The following PNO1 variants were observed in gnomAD, a reference collection of about 807,000 sequenced individuals.
The protein encoded by PNO1 is partner of NOB1 homolog, also known as RNA-binding protein PNO1.
Under a neutral mutation model 28.4 loss-of-function variants are expected in PNO1, and 16 were observed. The ratio of observed to expected loss-of-function variants is 0.56; its 90% CI spans 0.38 to 0.85. PNO1 has a LOEUF of 0.85. PNO1 is among the 40% of genes least tolerant of loss of function. PNO1 has a pLI of 0.00. For synonymous variants in PNO1, 115 were observed against 110.8 expected (o/e 1.04, Z -0.24); for missense variants, 304 against 312.2 (o/e 0.97, Z 0.20).
intron 5 of PNO1, among the ~76,000 whole-genome samples, chr2:68,162,914 T>C (rs572701350): frequency 6.6e-6 from 1 of 152,356 alleles, no homozygotes; most frequent in Non-Finnish European, 1.5e-5. Context: ...TAGCCTGCAG[T>C]TGGGCAAAGT....
chr2:68,164,974 G>A (rs1183120570), intron 5 of PNO1, among the ~76,000 whole-genome samples: 1 of 151,924 alleles, frequency 6.6e-6, no homozygotes, highest in Non-Finnish European at 1.5e-5. Flanking sequence ...CATTCCGAGT[G>A]TGTACCACTT....
chr2:68,176,210 T>TA lies in PNO1; in HGVS notation c.*1409dup, dbSNP rs1674279532. The TA allele has an allele frequency of 6.6e-6, 1 of 152,206 alleles. No individual in the cohort carries two copies. The highest frequency in any genetic ancestry group is 1.5e-5 in the Non-Finnish European group (1 of 68,028). 9.4% of individuals were successfully genotyped at this position (152,206 alleles called of 1,614,324 possible). A position where few individuals can be genotyped will look rare whatever the true frequency, so the allele number is the denominator to read the frequency against. On this transcript the variant is annotated 3_prime_UTR_variant, in exon 7 of 7. Coordinates refer to ENST00000263657, the MANE Select transcript of PNO1 (RefSeq NM_020143.4). Reference sequence around the variant, plus strand: ...TATACATTACAAAATGGAAGGAACTTACTTTATTAAACTTAACTTTGATAC... The same window carrying TA: ...TATACATTACAAAATGGAAGGAACTTAACTTTATTAAACTTAACTTTGATAC...
intron 5 of PNO1, among the ~76,000 whole-genome samples, chr2:68,166,102 T>A (rs1673990819): frequency 6.6e-6 from 1 of 152,224 alleles, no homozygotes; most frequent in African/African-American, 2.4e-5. Context: ...TTCTCTTAAT[T>A]AGCATGTTAT....
chr2:68,166,300 C>G (rs1422768498), intron 5 of PNO1, among the ~76,000 whole-genome samples: 1 of 152,124 alleles, frequency 6.6e-6, no homozygotes, highest in East Asian at 1.9e-4. Context: ...CTGCTTTTGG[C>G]TGGAAGCTAT....
rs555523293 is a variant in PNO1, at chr2:68,176,048, A to C, written c.*1246A>C. ...TGAATGAATAATTCTAAAGTTGAAA[A>C]ATAATAGTAAGAACCATCATAAGTC... On this transcript the variant is annotated 3_prime_UTR_variant, in exon 7 of 7. Coordinates refer to ENST00000263657, the MANE Select transcript of PNO1 (RefSeq NM_020143.4). 6.6e-6 allele frequency: 1 copy of C among 152,354 alleles called. No individual in the cohort carries two copies. The highest frequency in any genetic ancestry group is 1.9e-4 in the East Asian group (1 of 5,194). 9.4% of individuals were successfully genotyped at this position (152,354 alleles called of 1,614,324 possible).
intron 2 of PNO1, chr2:68,161,289 G>T (rs1205901279): frequency 8.5e-6 from 4 of 472,886 alleles, no homozygotes; most frequent in South Asian, 4.6e-5. Flanking sequence ...AGAAGATTAA[G>T]TCAGGAATCC....
chr2:68,158,510 C>G lies in PNO1; in HGVS notation c.338C>G (p.Ser113Ter), dbSNP rs1673735381. 6.2e-7 allele frequency: 1 copy of G among 1,612,872 alleles called. No homozygotes were observed. The highest frequency in any genetic ancestry group is 1.3e-5 in the African/African-American group (1 of 74,840). The change falls in exon 2 of 7, where the codon TCA becomes TGA. Residue 113 changes from serine to a stop codon, truncating the protein, a stop_gained. Transcript: ENST00000263657. LOFTEE classifies it high-confidence loss of function. Reference sequence around the variant, plus strand: ...CTTCAGATACGCTTTAACTTGAAATCAAGGAATGTAGAAATCAGGGTAAGG... The same window carrying G: ...CTTCAGATACGCTTTAACTTGAAATGAAGGAATGTAGAAATCAGGGTAAGG... ...LGLQIRFNLK[S>*]RNVEIRTCKE...
At chr2:68,164,006 T>C (rs1301456793) in intron 5 of PNO1, among the ~76,000 whole-genome samples, 3 of 152,234 alleles carry the variant, frequency 2.0e-5, no homozygotes, top group African/African-American at 7.2e-5. Flanking sequence ...GACTCTTCAT[T>C]ATATAGAACC....
rs1300352049 is a variant in PNO1 at position 68,158,038 on chromosome 2, T to C, written c.104T>C (p.Leu35Pro). ...RRAKKRQAEQLSAAGEGGDAG... is the reference protein window; with the variant it reads ...RRAKKRQAEQPSAAGEGGDAG... ...GCGAAGAAACGACAGGCTGAACAGCTGTCCGCAGCAGGAGAGGGCGGGGAT... is the reference window on the plus strand; with the variant it reads ...GCGAAGAAACGACAGGCTGAACAGCCGTCCGCAGCAGGAGAGGGCGGGGAT... The change falls in exon 1 of 7, where the codon CTG becomes CCG. Residue 35 changes from leucine (L) to proline (P), a missense_variant. Coordinates refer to ENST00000263657, the MANE Select transcript of PNO1 (RefSeq NM_020143.4). The C allele has an allele frequency of 6.2e-7, 1 of 1,614,112 alleles. No individual in the cohort carries two copies. The highest frequency in any genetic ancestry group is 8.5e-7 in the Non-Finnish European group (1 of 1,180,026).
At chr2:68,174,713 T>C (rs1347010430) in intron 6 of PNO1, 22 bp from the exon 7 acceptor site, 3 of 1,559,212 alleles carry the variant, frequency 1.9e-6, no homozygotes, top group Non-Finnish European at 2.7e-6. Context: ...TTTGTGTATA[T>C]ACTTTTTTTT....
chr2:68,163,928 AG>A (rs1316888274), intron 5 of PNO1, among the ~76,000 whole-genome samples: 1 of 152,144 alleles, frequency 6.6e-6, no homozygotes, highest in African/African-American at 2.4e-5. Context: ...TGAGAGGAGG[AG>A]GGTTCTGCCT....
chr2:68,158,313 G>A (rs1673726265), intron 1 of PNO1, 67 bp from the exon 2 acceptor site: 9 of 1,484,112 alleles, frequency 6.1e-6, no homozygotes, highest in South Asian at 1.3e-5. Context: ...TTGTGGATCA[G>A]ATGTCATTTT....
intron 5 of PNO1, among the ~76,000 whole-genome samples, chr2:68,168,187 A>T (rs1674040046): frequency 6.6e-6 from 1 of 152,204 alleles, no homozygotes; most frequent in Non-Finnish European, 1.5e-5. Flanking sequence ...AGGTTATAGG[A>T]GGAGCTCTGA....
At chr2:68,171,024 T>G (rs1674119099) in intron 5 of PNO1, among the ~76,000 whole-genome samples, 1 of 152,214 alleles carries the variant, frequency 6.6e-6, no homozygotes, top group Admixed American at 6.5e-5. Flanking sequence ...GTCCTCCTGA[T>G]GGTCCCCTTG....
rs1280236380 is a variant in PNO1, at chr2:68,175,833, CAA to C, written c.*1034_*1035del. ...TAAGCCCACTGTGAGTTGAAAATAC[CAA>C]AAGTCAAACATCATAGCTTAGCCTA... On this transcript the variant is annotated 3_prime_UTR_variant, in exon 7 of 7. Transcript: ENST00000263657. 1 of 152,056 alleles carries C rather than the reference CAA, an allele frequency of 6.6e-6. No individual in the cohort carries two copies. The highest frequency in any genetic ancestry group is 2.4e-5 in the African/African-American group (1 of 41,390). The allele number at this position is 152,056 out of a possible 1,614,324, so 9.4% of individuals were successfully genotyped here. A position where few individuals can be genotyped will look rare whatever the true frequency, so the allele number is the denominator to read the frequency against.
chr2:68,165,172 G>A (rs895891100), intron 5 of PNO1, among the ~76,000 whole-genome samples: 40 of 151,258 alleles, frequency 2.6e-4, no homozygotes, highest in African/African-American at 7.3e-5. Flanking sequence ...AGACCATCCC[G>A]GCTAAAACGG....
At chr2:68,165,258 G>A (rs2103678121) in intron 5 of PNO1, among the ~76,000 whole-genome samples, 1 of 150,616 alleles carries the variant, frequency 6.6e-6, no homozygotes. Flanking sequence ...CAGCTACTTG[G>A]GAGGCTGAGG....
chr2:68,168,187 A>AG (rs1277309967), intron 5 of PNO1, among the ~76,000 whole-genome samples: 1 of 152,204 alleles, frequency 6.6e-6, no homozygotes, highest in South Asian at 2.1e-4. Context: ...AGGTTATAGG[A>AG]GGAGCTCTGA....
chr2:68,171,338 G>A (rs927370003), intron 5 of PNO1, among the ~76,000 whole-genome samples: 1 of 152,134 alleles, frequency 6.6e-6, no homozygotes, highest in Non-Finnish European at 1.5e-5. Context: ...GTGCATTCTG[G>A]CTGCACAGCC....
Sources: gnomAD v4.1 joint callset for allele counts (sites outside exome capture counted in the v4.1 genomes callset) on GRCh38, gnomAD v4.1.1 for gene constraint, MANE v1.5 for transcripts, NCBI Gene and HGNC (gene_info 2026-07-23, HGNC 2026-07-21) for gene names.